YARS1: variants seen among roughly 807,000 people sequenced by gnomAD.
YARS1 encodes tyrosyl-tRNA synthetase 1.
YARS1 carries 36 observed loss-of-function variants against 62.2 expected under a neutral mutation model. The observed-to-expected ratio is 0.58, with a 90% CI of 0.44 to 0.76. YARS1 has a LOEUF of 0.76. Among genes scored for constraint, YARS1 ranks in the 30% least tolerant of loss-of-function variants. The probability of loss-of-function intolerance (pLI) is 0.00; values close to 1 mark genes in which losing one functional copy is unlikely to be tolerated. For synonymous variants in YARS1, 234 were observed against 244.9 expected, an observed-to-expected ratio of 0.96 and a Z score of 0.42; for missense variants, 524 against 639.8, an observed-to-expected ratio of 0.82 and a Z score of 1.95.
intron 6 of YARS1, among the ~76,000 whole-genome samples, chr1:32,789,281 C>G (rs560153213): frequency 6.6e-6 from 1 of 152,176 alleles, no homozygotes; most frequent in Non-Finnish European, 1.5e-5. Context: ...AGAATCATTT[C>G]CTTAAGATGC....
chr1:32,806,714 C>T, intron 3 of YARS1, 103 bp from the exon 4 acceptor site: 1 of 1,490,750 alleles, frequency 6.7e-7, no homozygotes, highest in Non-Finnish European at 9.2e-7. Flanking sequence ...CTTAGTGTAA[C>T]CAGGGATCTC....
chr1:32,785,463 A>AC (rs1557449206), intron 8 of YARS1, among the ~76,000 whole-genome samples: 2 of 151,446 alleles, frequency 1.3e-5, no homozygotes, highest in African/African-American at 4.8e-5. Context: ...TCTGTCTCAA[A>AC]AAAAAAAAAC....
At chr1:32,803,034 G>T (rs1638342710) in intron 4 of YARS1, among the ~76,000 whole-genome samples, 1 of 144,554 alleles carries the variant, frequency 6.9e-6, no homozygotes, top group Non-Finnish European at 1.5e-5. Flanking sequence ...CCGGGCTGGA[G>T]TGCAATGGTG....
chr1:32,806,584 G>A lies in YARS1; in HGVS notation c.408C>T (p.Leu136=), dbSNP rs774108210. 5.0e-6 allele frequency: 8 copies of A among 1,614,164 alleles called. No individual in the cohort carries two copies. In the East Asian group the frequency reaches 1.6e-4, roughly 31 times the overall value. The part of the protein sequence containing the change: ...SKEYTLDVYR[L]SSVVTQHDSK... ...AATCGTGCTGTGTGACCACGGAGGA[G>A]AGTCTGTACACATCTAGTGTGTACT... Residue 136 remains leucine, a synonymous_variant, in exon 4 of 13, where the codon CTC becomes CTT. Transcript: ENST00000373477.
chr1:32,803,407 C>T (rs1262280413), intron 4 of YARS1, among the ~76,000 whole-genome samples: 1 of 151,640 alleles, frequency 6.6e-6, no homozygotes, highest in African/African-American at 2.4e-5. Flanking sequence ...GCTGGGATTA[C>T]AGGCATGAGC....
At chr1:32,801,862 T>G (rs1200980951) in intron 4 of YARS1, among the ~76,000 whole-genome samples, 2 of 152,168 alleles carry the variant, frequency 1.3e-5, no homozygotes, top group African/African-American at 4.8e-5. Context: ...ATTCCTCATC[T>G]GTTCAAAATT....
At chr1:32,793,943 G>A (rs535927406) in intron 5 of YARS1, among the ~76,000 whole-genome samples, 1 of 152,288 alleles carries the variant, frequency 6.6e-6, no homozygotes, top group African/African-American at 2.4e-5. Flanking sequence ...TACTAAGTGG[G>A]GGCTCTTTAG....
chr1:32,802,963 C>G (rs1638337541), intron 4 of YARS1, among the ~76,000 whole-genome samples: 1 of 148,546 alleles, frequency 6.7e-6, no homozygotes, highest in African/African-American at 2.5e-5. Flanking sequence ...CAGATGCGCG[C>G]CACAACGCCT....
intron 6 of YARS1, among the ~76,000 whole-genome samples, chr1:32,789,383 A>G (rs912543030): frequency 2.0e-5 from 3 of 152,224 alleles, no homozygotes; most frequent in African/African-American, 7.2e-5. Flanking sequence ...CACAGCAATC[A>G]GCCACACTAA....
At chr1:32,780,401 A>G in intron 10 of YARS1, 123 bp from the exon 11 acceptor site, 1 of 1,151,294 alleles carries the variant, frequency 8.7e-7, no homozygotes, top group Non-Finnish European at 1.3e-6. Context: ...GACCCCCTAG[A>G]GCTAACTTTC....
Position 32,791,257 on chromosome 1 carries a change from G to T in YARS1, c.592-3C>A, listed in dbSNP as rs750265057. ...GAATAGCCAAGTGCAGGGAGGTACT[G>T]AGAGATTAGAGAAACACACAAAAGC... On this transcript the variant is annotated splice_region_variant and splice_polypyrimidine_tract_variant and intron_variant, in intron 5 of 12. Transcript: ENST00000373477. 3 of 1,611,878 alleles carry T rather than the reference G, an allele frequency of 1.9e-6. No individual in the cohort carries two copies. The East Asian group carries it at 6.7e-5, about 36-fold the overall frequency.
Position 32,782,451 on chromosome 1 carries a change from G to A in YARS1, c.995C>T (p.Ala332Val). The change falls in exon 9 of 13, where the codon GCC (alanine) becomes GTC (valine). Residue 332 changes from alanine to valine, a missense_variant. Physicochemically the swap from Ala to Val is moderately conservative, Grantham distance 64. Coordinates refer to ENST00000373477, the MANE Select transcript of YARS1 (RefSeq NM_003680.4). ...DPIREKFNTP[A>V]LKKLASAAYP... ...GGCAGCGCTGGCCAGTTTTTTCAGGGCAGGGGTATTAAACTTTTCCCGGAT... is the reference window on the plus strand; with the variant it reads ...GGCAGCGCTGGCCAGTTTTTTCAGGACAGGGGTATTAAACTTTTCCCGGAT... 2 of 1,614,080 alleles carry A rather than the reference G, an allele frequency of 1.2e-6. No individual in the cohort carries two copies. Among genetic ancestry groups the A allele is most frequent in the Non-Finnish European group, 1.7e-6 (2 of 1,180,012 alleles).
At chr1:32,814,520 G>C (rs1248907352) in intron 1 of YARS1, among the ~76,000 whole-genome samples, 2 of 152,180 alleles carry the variant, frequency 1.3e-5, no homozygotes, top group Non-Finnish European at 2.9e-5. Context: ...CTCCCAAATA[G>C]CTGGAATTAC....
At chr1:32,815,493 T>G (rs1019333340) in intron 1 of YARS1, among the ~76,000 whole-genome samples, 2 of 151,342 alleles carry the variant, frequency 1.3e-5, no homozygotes, top group African/African-American at 4.9e-5. Flanking sequence ...AAACCTTTGG[T>G]TAAGACTAAG....
chr1:32,806,693 A>G, intron 3 of YARS1, 82 bp from the exon 4 acceptor site: 1 of 1,590,136 alleles, frequency 6.3e-7, no homozygotes, highest in Non-Finnish European at 8.6e-7. Context: ...ACATTAATTT[A>G]CTTCCCTAAC....
intron 5 of YARS1, 110 bp from the exon 6 acceptor site, chr1:32,791,364 A>G: frequency 5.9e-6 from 5 of 854,070 alleles, no homozygotes; most frequent in Non-Finnish European, 1.0e-5. Context: ...ATTGCTTCCA[A>G]TCTTTTTATA....
intron 12 of YARS1, among the ~76,000 whole-genome samples, chr1:32,777,150 G>A (rs934867969): frequency 1.3e-5 from 2 of 151,474 alleles, no homozygotes; most frequent in Admixed American, 6.6e-5. Context: ...CTGCCTAAGC[G>A]TCTTAAGTAG....
chr1:32,811,251 G>C (rs1307491235), intron 1 of YARS1, 194 bp from the exon 2 acceptor site: 1 of 848,952 alleles, frequency 1.2e-6, no homozygotes, highest in East Asian at 2.6e-5. Context: ...CCTTAGCTGA[G>C]AGAGCCAGAC....
chr1:32,803,451 A>C (rs1638358071), intron 4 of YARS1, among the ~76,000 whole-genome samples: 1 of 152,082 alleles, frequency 6.6e-6, no homozygotes. Context: ...TAATTCTTAA[A>C]GGCACTAGGA....
Sources: allele counts gnomAD v4.1 joint callset (sites outside exome capture counted in the v4.1 genomes callset), GRCh38; gene constraint gnomAD v4.1.1; transcripts MANE v1.5; gene names NCBI Gene and HGNC (gene_info 2026-07-23, HGNC 2026-07-21).